The following SCAPER variants were observed in gnomAD, a reference collection of about 807,000 sequenced individuals.
SCAPER encodes the protein S phase cyclin A-associated protein in the endoplasmic reticulum.
SCAPER carries 98 observed loss-of-function variants against 182.2 expected under a neutral mutation model. The observed-to-expected ratio is 0.54, with a 90% CI of 0.46 to 0.64. The LOEUF (loss-of-function observed/expected upper bound fraction) is 0.64, where lower values mean the gene tolerates loss of function less well. SCAPER is among the 30% of genes least tolerant of loss of function. SCAPER has a pLI of 0.00. For synonymous variants in SCAPER, 605 were observed against 564.6 expected (o/e 1.07, Z -1.01); for missense variants, 1,432 against 1,690.0 (o/e 0.85, Z 2.68).
intron 26 of SCAPER, among the ~76,000 whole-genome samples, chr15:76,424,714 A>G (rs1179232307): frequency 2.6e-5 from 4 of 152,142 alleles, no homozygotes; most frequent in Non-Finnish European, 4.4e-5. Flanking sequence ...TCCTAGCATC[A>G]ATGGTCTTTA....
At chr15:76,680,632 C>T (rs561834140) in intron 20 of SCAPER, among the ~76,000 whole-genome samples, 28 of 152,000 alleles carry the variant, frequency 1.8e-4, no homozygotes, top group Non-Finnish European at 3.5e-4. Context: ...CTTGGTGGAG[C>T]GGTGAGTCCT....
rs150318561 is a variant in SCAPER at position 76,666,106 on chromosome 15, C to T, written c.2509-317G>A. 3.2e-3 allele frequency among the ~76,000 whole-genome samples: 485 copies of T among 152,130 alleles called. 5 individuals carry two copies. The highest frequency in any genetic ancestry group is 0.011 in the African/African-American group (462 of 41,502). On this transcript the variant is annotated intron_variant, in intron 20 of 31. Transcript: ENST00000563290. ...CAAAACTATAATATCATCTATAATA[C>T]CAAGCCAATCAGAGATTTAGAGTGC... is the stretch of plus-strand genomic sequence containing the variant.
rs7169383 is a variant in SCAPER at position 76,708,967 on chromosome 15, A to G, written c.2166-2983T>C. 8.1e-3 allele frequency among the ~76,000 whole-genome samples: 1,237 copies of G among 152,104 alleles called. 13 individuals are homozygous for G. The highest frequency in any genetic ancestry group is 0.028 in the African/African-American group (1,173 of 41,490). Reference sequence around the variant, plus strand: ...TATCATCCCAGCTACTTGGCAGGCCAAGGCATGAGAATCTCTTGAACCTGG... The same window carrying G: ...TATCATCCCAGCTACTTGGCAGGCCGAGGCATGAGAATCTCTTGAACCTGG... On this transcript the variant is annotated intron_variant, in intron 17 of 31. Transcript: ENST00000563290.
At chr15:76,362,025 G>A in intron 29 of SCAPER, among the ~76,000 whole-genome samples, 1 of 151,622 alleles carries the variant, frequency 6.6e-6, no homozygotes, top group Middle Eastern at 3.2e-3. Context: ...CCAGGCTGGA[G>A]TGCAATGTGC....
chr15:76,466,978 A>G (rs1355586070), intron 25 of SCAPER, among the ~76,000 whole-genome samples: 4 of 152,088 alleles, frequency 2.6e-5, no homozygotes, highest in African/African-American at 9.7e-5. Flanking sequence ...TGACTGGATC[A>G]TGGAGGCAGA....
Position 76,620,648 on chromosome 15 carries a change from A to G in SCAPER, c.2711+1116T>C, listed in dbSNP as rs556870025. ...ATTCTATAGCATATGTACACCAACA[A>G]GTGGTTATGGATATTCCTCAACTTG... On this transcript the variant is annotated intron_variant, in intron 22 of 31. Coordinates refer to ENST00000563290, the MANE Select transcript of SCAPER (RefSeq NM_020843.4). Among the ~76,000 whole-genome samples, 42 of 152,358 alleles carry G rather than the reference A, an allele frequency of 2.8e-4. 1 individual carries two copies. In the South Asian group the frequency reaches 8.5e-3, roughly 31 times the overall value.
rs562994514 is a variant in SCAPER at position 76,432,770 on chromosome 15, G to A, written c.3311+1308C>T. ...TGTCAGAAATTGCCACATTTGTGTA[G>A]TGGAAAGCATACAGGTGTTGGGAGT... On this transcript the variant is annotated intron_variant, in intron 26 of 31. Coordinates refer to ENST00000563290, the MANE Select transcript of SCAPER (RefSeq NM_020843.4). 9.8e-5 allele frequency among the ~76,000 whole-genome samples: 15 copies of A among 152,360 alleles called. No individual in the cohort carries two copies. The East Asian group carries it at 2.7e-3, about 27-fold the overall frequency.
chr15:76,769,385 G>A (rs1195358451), intron 10 of SCAPER, among the ~76,000 whole-genome samples: 1 of 140,798 alleles, frequency 7.1e-6, no homozygotes, highest in Non-Finnish European at 1.5e-5. Flanking sequence ...GGAGCTTGCA[G>A]TGAGCCAAGA....
chr15:76,842,913 C>T (rs993254366), intron 4 of SCAPER, among the ~76,000 whole-genome samples: 1 of 152,166 alleles, frequency 6.6e-6, no homozygotes, highest in African/African-American at 2.4e-5. Context: ...TCCAGACCAC[C>T]TCATTTCTTT....
In SCAPER at chr15:76,471,305, G is replaced by T; in HGVS notation, c.2985C>A (p.Asn995Lys). ...TTTCTGAACAGTTATTGCAGGTGAGGTTGTAAACATTGATTGCATTGCAGA... is the reference window on the plus strand; with the variant it reads ...TTTCTGAACAGTTATTGCAGGTGAGTTTGTAAACATTGATTGCATTGCAGA... ...KSLCNAINVYNLTCNNCSENC... is the reference protein window; with the variant it reads ...KSLCNAINVYKLTCNNCSENC... Residue 995 changes from asparagine to lysine, a missense_variant, in exon 25 of 32, where the codon AAC becomes AAA. By Grantham distance (94) the Asn-to-Lys change is moderately conservative. Around this residue, in one of 5 missense-constraint regions of SCAPER, gnomAD observed 718 missense variants for 799.7 expected, o/e 0.90. Coordinates refer to ENST00000563290, the MANE Select transcript of SCAPER (RefSeq NM_020843.4). 6.2e-7 allele frequency: 1 copy of T among 1,610,990 alleles called. No homozygotes were observed. The highest frequency in any genetic ancestry group is 1.1e-5 in the South Asian group (1 of 90,520).
intron 1 of SCAPER, among the ~76,000 whole-genome samples, chr15:76,887,578 A>T (rs947759117): frequency 9.2e-5 from 14 of 152,176 alleles, no homozygotes; most frequent in African/African-American, 3.4e-4. Flanking sequence ...ATCAACCTGC[A>T]AGGCTGCAGC....
intron 25 of SCAPER, among the ~76,000 whole-genome samples, chr15:76,470,189 A>C (rs1419897502): frequency 6.6e-6 from 1 of 152,194 alleles, no homozygotes; most frequent in Non-Finnish European, 1.5e-5. Flanking sequence ...TGAATCTACT[A>C]AGTGCCAGGT....
At chr15:76,733,460 A>T (rs1411592556) in intron 15 of SCAPER, 76 bp from the exon 16 acceptor site, 2 of 1,515,726 alleles carry the variant, frequency 1.3e-6, no homozygotes, top group East Asian at 2.3e-5. Flanking sequence ...AAATCTAACA[A>T]CAGTCAGGCT....
At chr15:76,428,893 T>TATATATATATAA (rs561331843) in intron 26 of SCAPER, among the ~76,000 whole-genome samples, 2 of 139,576 alleles carry the variant, frequency 1.4e-5, no homozygotes, top group African/African-American at 2.7e-5. Context: ...TATATATATA[T>TATATATATATAA]AAACATCAAA....
intron 15 of SCAPER, 92 bp from the exon 16 acceptor site, chr15:76,733,476 T>C: frequency 1.4e-6 from 2 of 1,459,924 alleles, no homozygotes; most frequent in Non-Finnish European, 1.8e-6. Context: ...AGGCTGGGCG[T>C]GGTGGTTCAC....
chr15:76,753,988 T>A, intron 14 of SCAPER, 40 bp from the exon 15 acceptor site: 1 of 1,589,600 alleles, frequency 6.3e-7, no homozygotes, highest in Non-Finnish European at 8.6e-7. Context: ...TTTCAATATA[T>A]ACAATCATTT....
chr15:76,389,269 G>A (rs1192953524), intron 27 of SCAPER, among the ~76,000 whole-genome samples: 2 of 152,024 alleles, frequency 1.3e-5, no homozygotes, highest in African/African-American at 4.8e-5. Flanking sequence ...GGGAGGCTGA[G>A]GTGGGCGGAT....
At chr15:76,652,523 A>G (rs55744371) in intron 21 of SCAPER, among the ~76,000 whole-genome samples, 11 of 69,434 alleles carry the variant, frequency 1.6e-4, no homozygotes, top group Non-Finnish European at 2.4e-4. Flanking sequence ...ATACATACAC[A>G]CACACACACA....
In SCAPER at chr15:76,857,829, T is replaced by A; in HGVS notation, c.175A>T (p.Thr59Ser). The change falls in exon 4 of 32, where the codon ACT becomes TCT. Residue 59 changes from threonine to serine, a missense_variant. Physicochemically the swap from Thr to Ser is moderately conservative, Grantham distance 58. Around this residue, in one of 5 missense-constraint regions of SCAPER, gnomAD observed 480 missense variants for 510.2 expected, o/e 0.94. Transcript: ENST00000563290. ...GGKSKRTIQGTHKTTKQSTAV... is the reference protein window; with the variant it reads ...GGKSKRTIQGSHKTTKQSTAV... ...TGTACCTGTTTAGTAGTTTTATGAGTGCCTTGAATGGTCCTCTTAGATTTT... is the reference window on the plus strand; with the variant it reads ...TGTACCTGTTTAGTAGTTTTATGAGAGCCTTGAATGGTCCTCTTAGATTTT... 6.5e-7 allele frequency: 1 copy of A among 1,544,972 alleles called. No homozygotes were observed. Among genetic ancestry groups the A allele is most frequent in the Non-Finnish European group, 8.7e-7 (1 of 1,143,826 alleles).
Sources: allele counts gnomAD v4.1 joint callset (sites outside exome capture counted in the v4.1 genomes callset), GRCh38; gene constraint gnomAD v4.1.1; regional missense constraint gnomAD v4.1.1; transcripts MANE v1.5; gene names NCBI Gene and HGNC (gene_info 2026-07-23, HGNC 2026-07-21).